The following WNT3A variants were observed in gnomAD, a reference collection of about 807,000 sequenced individuals.
WNT3A encodes the protein protein Wnt-3a.
Under a neutral mutation model 37.0 loss-of-function variants are expected in WNT3A, and 17 were observed. The observed-to-expected ratio is 0.46, with a 90% confidence interval of 0.31 to 0.69. WNT3A has a LOEUF of 0.69. Among genes scored for constraint, WNT3A ranks in the 30% least tolerant of loss-of-function variants. WNT3A has a pLI of 0.05. For missense variants in WNT3A, 411 were observed against 510.2 expected, an observed-to-expected ratio of 0.81 and a Z score of 1.87; for synonymous variants, 187 against 211.0, an observed-to-expected ratio of 0.89 and a Z score of 0.99.
chr1:228,012,376 A>G (rs1208403365), intron 1 of WNT3A, among the ~76,000 whole-genome samples: 1 of 152,268 alleles, frequency 6.6e-6, no homozygotes, highest in Non-Finnish European at 1.5e-5. Context: ...GAATTTAAAA[A>G]GGATTTGGTG....
In WNT3A at chr1:228,055,179, AATATATATATATAT is replaced by A. The variant is rs1180107835; in HGVS notation, c.580-3779_580-3766del. 3.0e-3 allele frequency among the ~76,000 whole-genome samples: 57 copies of A among 19,274 alleles called. 1 individual carries two copies. The highest frequency in any genetic ancestry group is 4.7e-3 in the African/African-American group (21 of 4,516). 12.6% of individuals were successfully genotyped at this position (19,274 alleles called of 152,430 possible). A position where few individuals can be genotyped will look rare whatever the true frequency, so the allele number is the denominator to read the frequency against. On this transcript the variant is annotated intron_variant, in intron 3 of 3. Coordinates refer to ENST00000284523, the MANE Select transcript of WNT3A (RefSeq NM_033131.4). ...GTCCCAAAAAAAAAAAAAAAAAAAA[AATATATATATATAT>A]ATATATATATATATATATATATATA...
chr1:228,017,418 T>C (rs1057250497), intron 1 of WNT3A, among the ~76,000 whole-genome samples: 1 of 152,082 alleles, frequency 6.6e-6, no homozygotes, highest in South Asian at 2.1e-4. Context: ...ACTAGCTCTC[T>C]AAAGACCACA....
At chr1:228,016,672 C>A (rs541145030) in intron 1 of WNT3A, among the ~76,000 whole-genome samples, 2 of 152,202 alleles carry the variant, frequency 1.3e-5, no homozygotes, top group Non-Finnish European at 2.9e-5. Context: ...TAAAGGAATG[C>A]CTGAGACTGG....
intron 2 of WNT3A, among the ~76,000 whole-genome samples, chr1:228,033,037 C>T (rs934523114): frequency 9.9e-5 from 15 of 152,106 alleles, no homozygotes; most frequent in African/African-American, 3.6e-4. Context: ...GTCTTTTTGT[C>T]GTTGAGTTGT....
intron 2 of WNT3A, among the ~76,000 whole-genome samples, chr1:228,041,641 C>T (rs2031288825): frequency 6.6e-6 from 1 of 152,164 alleles, no homozygotes. Flanking sequence ...CATTATTCAT[C>T]ACCCTCCCAT....
rs2031782486 is a variant in WNT3A, at chr1:228,060,516, AG to A, written c.*1054del. The A allele has an allele frequency of 3.1e-6, 1 of 321,524 alleles. No homozygotes were observed. The highest frequency in any genetic ancestry group is 2.6e-5 in the South Asian group (1 of 37,814). The allele number at this position is 321,524 out of a possible 1,614,324, so 19.9% of individuals were successfully genotyped here. A position where few individuals can be genotyped will look rare whatever the true frequency, so the allele number is the denominator to read the frequency against. On this transcript the variant is annotated 3_prime_UTR_variant, in exon 4 of 4. Coordinates refer to ENST00000284523, the MANE Select transcript of WNT3A (RefSeq NM_033131.4). ...ACCAAGCTTAGTCCTGGGAGAGGACAGGGACTTCGCAGAGGCAAGCGACCGA... is the reference window on the plus strand; with the variant it reads ...ACCAAGCTTAGTCCTGGGAGAGGACAGGACTTCGCAGAGGCAAGCGACCGA...
chr1:228,019,325 T>C (rs1041431857), intron 1 of WNT3A, among the ~76,000 whole-genome samples: 1 of 152,220 alleles, frequency 6.6e-6, no homozygotes, highest in Non-Finnish European at 1.5e-5. Flanking sequence ...ATCCAGCATC[T>C]AGCCTCGGAG....
At chr1:228,052,800 T>A (rs2031582808) in intron 3 of WNT3A, among the ~76,000 whole-genome samples, 1 of 152,184 alleles carries the variant, frequency 6.6e-6, no homozygotes, top group Admixed American at 6.5e-5. Flanking sequence ...TCCCCATAAT[T>A]ACCCAATTCA....
Position 228,038,071 on chromosome 1 carries a change from C to T in WNT3A, c.314-12585C>T, listed in dbSNP as rs922407091. Among the ~76,000 whole-genome samples, 2 of 152,102 alleles carry T rather than the reference C, an allele frequency of 1.3e-5. No homozygotes were observed. The highest frequency in any genetic ancestry group is 2.4e-5 in the African/African-American group (1 of 41,542). ...CCCAGCGGGTCAGCACGGCGCCCGG[C>T]CGCGCGGGCCGCCCGGCGGTGTCAG... On this transcript the variant is annotated intron_variant, in intron 2 of 3. Coordinates refer to ENST00000284523, the MANE Select transcript of WNT3A (RefSeq NM_033131.4). This position sits in a 1 kb window ranked among gnomAD's most constrained non-coding sequence, Gnocchi z 5.7.
intron 2 of WNT3A, among the ~76,000 whole-genome samples, chr1:228,036,771 G>A (rs1251564365): frequency 6.6e-6 from 1 of 152,202 alleles, no homozygotes; most frequent in Non-Finnish European, 1.5e-5. Context: ...GCAAGGTAAA[G>A]CTGGCAAGGA....
chr1:228,007,032 C>A lies in WNT3A; in HGVS notation c.-97C>A. The A allele has an allele frequency of 1.2e-6, 1 of 834,674 alleles. No individual in the cohort carries two copies. Among genetic ancestry groups the A allele is most frequent in the South Asian group, 3.6e-5 (1 of 28,102 alleles). The allele number at this position is 834,674 out of a possible 1,614,324, so 51.7% of individuals were successfully genotyped here. A position where few individuals can be genotyped will look rare whatever the true frequency, so the allele number is the denominator to read the frequency against. On this transcript the variant is annotated 5_prime_UTR_variant, in exon 1 of 4. Coordinates refer to ENST00000284523, the MANE Select transcript of WNT3A (RefSeq NM_033131.4). This position sits in a 1 kb window ranked among gnomAD's most constrained non-coding sequence, Gnocchi z 6.0. The stretch of plus-strand genomic sequence containing the variant: ...CGCGCACCCGCGGCCGCAGGAGGGC[C>A]CAGCGACGCCGCCGCGCCAGCTCCC...
At chr1:228,020,789 G>A (rs1335727117) in intron 1 of WNT3A, among the ~76,000 whole-genome samples, 3 of 152,140 alleles carry the variant, frequency 2.0e-5, no homozygotes, top group African/African-American at 7.2e-5. Flanking sequence ...GGGGATGCAC[G>A]TGGGGTCTGG....
Position 228,042,285 on chromosome 1 carries a change from A to AT in WNT3A, c.314-8363dup, listed in dbSNP as rs558748948. 1.4e-3 allele frequency among the ~76,000 whole-genome samples: 206 copies of AT among 151,980 alleles called. 1 individual carries two copies. The highest frequency in any genetic ancestry group is 4.0e-3 in the African/African-American group (165 of 41,428). On this transcript the variant is annotated intron_variant, in intron 2 of 3. Transcript: ENST00000284523. The surrounding 1 kb of genome is among the most constrained non-coding windows in gnomAD (Gnocchi z 5.2). ...AGCCACCGCGCCCAGCCTCTGGAGG[A>AT]TTTTTTTTACTGTGGTTATTGAGAG...
intron 1 of WNT3A, among the ~76,000 whole-genome samples, chr1:228,014,402 C>T (rs2030465859): frequency 6.6e-6 from 1 of 152,222 alleles, no homozygotes; most frequent in Non-Finnish European, 1.5e-5. Flanking sequence ...CCCACGCCCC[C>T]AGCAAACATG....
chr1:228,050,571 TG>T lies in WNT3A; in HGVS notation c.314-84del. ...AACCTCACGAGTTCCTTTATAACAA[TG>T]CAAATGGGCTAAGACCCCTGACCTG... is the stretch of plus-strand genomic sequence containing the variant. On this transcript the variant is annotated intron_variant, in intron 2 of 3. Transcript: ENST00000284523. This position sits in a 1 kb window ranked among gnomAD's most constrained non-coding sequence, Gnocchi z 5.0. 6.8e-7 allele frequency: 1 copy of T among 1,480,096 alleles called. No homozygotes were observed. Among genetic ancestry groups the T allele is most frequent in the Non-Finnish European group, 9.0e-7 (1 of 1,114,310 alleles). 91.7% of individuals were successfully genotyped at this position (1,480,096 alleles called of 1,614,324 possible).
chr1:228,040,241 C>T (rs2031246329), intron 2 of WNT3A, among the ~76,000 whole-genome samples: 1 of 152,196 alleles, frequency 6.6e-6, no homozygotes, highest in Non-Finnish European at 1.5e-5. Context: ...AGCCTGGGGC[C>T]CATGGCTGAC....
chr1:228,012,731 G>A (rs1269658184), intron 1 of WNT3A, among the ~76,000 whole-genome samples: 1 of 152,182 alleles, frequency 6.6e-6, no homozygotes, highest in East Asian at 1.9e-4. Context: ...CAGGGGCTGG[G>A]GCAGAGGTTG....
rs999516763 is a variant in WNT3A at position 228,061,216 on chromosome 1, G to C, written c.*1751G>C. The C allele has an allele frequency of 6.6e-6, 1 of 152,658 alleles. No individual in the cohort carries two copies. Among genetic ancestry groups the C allele is most frequent in the Non-Finnish European group, 1.5e-5 (1 of 68,042 alleles). 9.5% of individuals were successfully genotyped at this position (152,658 alleles called of 1,614,324 possible). A position where few individuals can be genotyped will look rare whatever the true frequency, so the allele number is the denominator to read the frequency against. ...CCTCTGCCTCAAATTCTGCGTTTTT[G>C]GTTTTAATGTTATATCTGATGCTGC... On this transcript the variant is annotated 3_prime_UTR_variant, in exon 4 of 4. Transcript: ENST00000284523.
chr1:228,060,019 T>G lies in WNT3A; in HGVS notation c.*554T>G. 8.5e-7 allele frequency: 1 copy of G among 1,175,538 alleles called. No homozygotes were observed. Among genetic ancestry groups the G allele is most frequent in the East Asian group, 6.0e-5 (1 of 16,604 alleles). 72.8% of individuals were successfully genotyped at this position (1,175,538 alleles called of 1,614,324 possible). A position where few individuals can be genotyped will look rare whatever the true frequency, so the allele number is the denominator to read the frequency against. On this transcript the variant is annotated 3_prime_UTR_variant, in exon 4 of 4. Coordinates refer to ENST00000284523, the MANE Select transcript of WNT3A (RefSeq NM_033131.4). ...GGCTTCTTCCTGGATGGGGCAGAGC[T>G]TCTCCTGACCAGGGCAAGGCCCCTT...
Sources: allele counts gnomAD v4.1 joint callset (sites outside exome capture counted in the v4.1 genomes callset), GRCh38; gene constraint gnomAD v4.1.1; non-coding constraint Gnocchi (gnomAD v3.1); transcripts MANE v1.5; gene names NCBI Gene and HGNC (gene_info 2026-07-23, HGNC 2026-07-21).